Variants in NAV2 observed in about 807,000 individuals in gnomAD.
NAV2 encodes neuron navigator 2, also known as helicase, APC down-regulated 1.
NAV2 carries 54 observed loss-of-function variants against 223.2 expected under a neutral mutation model. The ratio of observed to expected loss-of-function variants is 0.24; its 90% CI spans 0.19 to 0.30. The LOEUF (loss-of-function observed/expected upper bound fraction) is 0.30. NAV2 is among the 10% of genes least tolerant of loss of function. The pLI is 1.00. For synonymous variants in NAV2, 1,279 were observed against 1,239.3 expected (o/e 1.03, Z -0.67); for missense variants, 2,806 against 3,147.5 (o/e 0.89, Z 2.60).
intron 1 of NAV2, among the ~76,000 whole-genome samples, chr11:19,736,926 A>G (rs557512518): frequency 5.3e-5 from 8 of 152,362 alleles, no homozygotes; most frequent in Admixed American, 2.6e-4. Context: ...CCAGGGGAAA[A>G]AAAAACTTAT....
chr11:20,018,523 A>G, intron 11 of NAV2, among the ~76,000 whole-genome samples: 1 of 152,082 alleles, frequency 6.6e-6, no homozygotes. Flanking sequence ...CGGGCCCCTA[A>G]GTGGGTCTGT....
chr11:20,065,491 A>G (rs2058985300), intron 20 of NAV2, among the ~76,000 whole-genome samples: 1 of 152,272 alleles, frequency 6.6e-6, no homozygotes, highest in Non-Finnish European at 1.5e-5. Flanking sequence ...AAAATCTCAA[A>G]GGCCACTTCT....
intron 7 of NAV2, among the ~76,000 whole-genome samples, chr11:19,934,609 G>T (rs1001570261): frequency 2.2e-4 from 33 of 152,080 alleles, no homozygotes; most frequent in Non-Finnish European, 4.3e-4. Flanking sequence ...ATGAGGGTGG[G>T]GGCGGTTTGG....
chr11:19,700,335 TCA>T lies in NAV2; in HGVS notation c.76-132145_76-132144del, dbSNP rs567644002. Among the ~76,000 whole-genome samples the T allele has an allele frequency of 2.8e-4, 43 of 152,306 alleles. 1 individual carries two copies. The East Asian group carries it at 6.2e-3, about 22-fold the overall frequency. On this transcript the variant is annotated intron_variant, in intron 1 of 37. Coordinates refer to the NAV2 transcript ENST00000360655. ...AGTGGCACAGTTCGGACCCATGCAGTCACACGTATGCAATCAAATTCCAAAAT... is the reference window on the plus strand; with the variant it reads ...AGTGGCACAGTTCGGACCCATGCAGTCACGTATGCAATCAAATTCCAAAAT...
At chr11:19,931,416 C>T (rs944469548) in intron 6 of NAV2, among the ~76,000 whole-genome samples, 19 of 152,132 alleles carry the variant, frequency 1.2e-4, no homozygotes, top group Admixed American at 4.6e-4. Flanking sequence ...TGTGGCTTCC[C>T]CGAGCAGCTG....
intron 1 of NAV2, among the ~76,000 whole-genome samples, chr11:19,652,334 C>T (rs1020726149): frequency 1.3e-5 from 2 of 152,062 alleles, no homozygotes; most frequent in African/African-American, 2.4e-5. Context: ...TTGTGGGGTC[C>T]TGGGTCAAGG....
intron 30 of NAV2, 63 bp from the exon 31 acceptor site, chr11:20,097,514 C>A: frequency 1.5e-6 from 2 of 1,299,912 alleles, no homozygotes; most frequent in Non-Finnish European, 2.1e-6. Flanking sequence ...CCAGGGAAAA[C>A]ATGAGTCATG....
intron 1 of NAV2, among the ~76,000 whole-genome samples, chr11:19,594,943 A>G (rs1051327346): frequency 6.6e-6 from 1 of 152,192 alleles, no homozygotes; most frequent in Non-Finnish European, 1.5e-5. Context: ...TCAAGCACTT[A>G]CTTTGTGTCA....
chr11:19,714,284 T>C, intron 1 of NAV2: 1 of 570,988 alleles, frequency 1.8e-6, no homozygotes, highest in South Asian at 1.5e-5. Context: ...AGGTCCTGCA[T>C]GTTGAGGTCT....
At chr11:19,557,895 A>T (rs1002986134) in intron 1 of NAV2, among the ~76,000 whole-genome samples, 1 of 152,178 alleles carries the variant, frequency 6.6e-6, no homozygotes, top group Non-Finnish European at 1.5e-5. Context: ...GACAGAGGGC[A>T]CTTCGTCTGG....
At position 20,049,050 on chromosome 11, in the gene NAV2, A is replaced by G. The variant is rs746462010; in HGVS notation, c.4225A>G (p.Thr1409Ala). Residue 1409 changes from threonine (T) to alanine (A), a missense_variant, in exon 15 of 38, where the codon ACC becomes GCC. Physicochemically the swap from Thr to Ala is moderately conservative, Grantham distance 58. Transcript: ENST00000349880. The stretch of plus-strand genomic sequence containing the variant: ...CTTTCAGTCTGTCAGCAGCCTCCAC[A>G]CCAGCTGTGAGTCCATCGACATCTC... The part of the protein sequence containing the change: ...LGFQSVSSLH[T>A]SCESIDISLS... The G allele has an allele frequency of 1.2e-6, 2 of 1,613,988 alleles. No individual in the cohort carries two copies. Among genetic ancestry groups the G allele is most frequent in the Non-Finnish European group, 1.7e-6 (2 of 1,180,008 alleles).
intron 1 of NAV2, among the ~76,000 whole-genome samples, chr11:19,564,269 G>A (rs145977254): frequency 6.6e-6 from 1 of 152,194 alleles, no homozygotes; most frequent in Non-Finnish European, 1.5e-5. Context: ...CTGGGGGAAT[G>A]GGCTGAGGCT....
chr11:19,441,087 C>A (rs960315314), intron 1 of NAV2, among the ~76,000 whole-genome samples: 5 of 152,056 alleles, frequency 3.3e-5, no homozygotes, highest in Admixed American at 1.3e-4. Flanking sequence ...GCCCAGGAAG[C>A]CTTTATTGAG....
At chr11:19,662,856 T>C (rs2048323722) in intron 1 of NAV2, among the ~76,000 whole-genome samples, 1 of 152,182 alleles carries the variant, frequency 6.6e-6, no homozygotes, top group Non-Finnish European at 1.5e-5. Flanking sequence ...TCCATATCCT[T>C]ATTTCTTGGA....
rs1377233871 is a variant in NAV2 at position 19,827,414 on chromosome 11, G to A, written c.268-5070G>A. On this transcript the variant is annotated intron_variant, in intron 1 of 37. Coordinates refer to ENST00000349880, the MANE Select transcript of NAV2 (RefSeq NM_145117.5). ...TCCCGAGGTTGTTGACCGCCTATTTGTTTACATAAATAGGTGGTCAGCTAG... is the reference window on the plus strand; with the variant it reads ...TCCCGAGGTTGTTGACCGCCTATTTATTTACATAAATAGGTGGTCAGCTAG... Among the ~76,000 whole-genome samples, 11 of 152,292 alleles carry A rather than the reference G, an allele frequency of 7.2e-5. No homozygotes were observed. In the East Asian group the frequency reaches 2.1e-3, roughly 29 times the overall value.
intron 10 of NAV2, among the ~76,000 whole-genome samples, chr11:19,968,758 T>C (rs953013120): frequency 6.6e-6 from 1 of 152,214 alleles, no homozygotes; most frequent in Non-Finnish European, 1.5e-5. Flanking sequence ...CCTGGTGCAC[T>C]GATAGAAGGT....
intron 1 of NAV2, among the ~76,000 whole-genome samples, chr11:19,574,707 AGGT>A (rs1223601444): frequency 3.9e-5 from 6 of 152,232 alleles, no homozygotes; most frequent in African/African-American, 1.4e-4. Context: ...CGTGGAGCAT[AGGT>A]CCAGTTAGAA....
intron 1 of NAV2, among the ~76,000 whole-genome samples, chr11:19,355,325 G>C (rs938419212): frequency 1.3e-5 from 2 of 150,518 alleles, no homozygotes; most frequent in Non-Finnish European, 2.9e-5. Flanking sequence ...TATTCTCCTA[G>C]CTGTCAACTT....
chr11:19,929,975 T>A (rs1004414993), intron 6 of NAV2, among the ~76,000 whole-genome samples: 1 of 152,214 alleles, frequency 6.6e-6, no homozygotes, highest in Non-Finnish European at 1.5e-5. Context: ...CCAGTTCTCA[T>A]AGCACCTCAT....
Sources: allele counts gnomAD v4.1 joint callset (sites outside exome capture counted in the v4.1 genomes callset), GRCh38; gene constraint gnomAD v4.1.1; transcripts MANE v1.5; gene names NCBI Gene and HGNC (gene_info 2026-07-23, HGNC 2026-07-21).